The following STK10 variants were observed in gnomAD, a reference collection of about 807,000 sequenced individuals.
STK10 encodes serine/threonine-protein kinase 10.
A neutral mutation model predicts 113.8 loss-of-function variants in STK10; 78 were observed. That is an observed-to-expected ratio of 0.69 (90% CI 0.57 to 0.83). The LOEUF is 0.83. STK10 is among the 40% of genes least tolerant of loss of function. STK10 has a pLI of 0.00. For missense variants in STK10, 1,109 were observed against 1,280.1 expected, an observed-to-expected ratio of 0.87 and a Z score of 2.04; for synonymous variants, 465 against 494.7, an observed-to-expected ratio of 0.94 and a Z score of 0.80.
chr5:172,088,882 G>A (rs372416560), intron 10 of STK10, among the ~76,000 whole-genome samples: 1 of 152,208 alleles, frequency 6.6e-6, no homozygotes, highest in Non-Finnish European at 1.5e-5. Flanking sequence ...GGCTGTAAGT[G>A]GGGGATGAAC....
In STK10 at chr5:172,048,414, TACACACACACACAC is replaced by T. The variant is rs370301917; in HGVS notation, c.2767-3406_2767-3393del. ...AAATCAATTTCCCTCTCCCTCTCCCTACACACACACACACACACACACACACACACACACACACA... is the reference window on the plus strand; with the variant it reads ...AAATCAATTTCCCTCTCCCTCTCCCTACACACACACACACACACACACACA... On this transcript the variant is annotated intron_variant, in intron 18 of 18. Transcript: ENST00000176763. 2.8e-4 allele frequency among the ~76,000 whole-genome samples: 36 copies of T among 128,480 alleles called. No individual in the cohort carries two copies. In the South Asian group the frequency reaches 5.4e-3, roughly 19 times the overall value. 84.3% of individuals were successfully genotyped at this position (128,480 alleles called of 152,430 possible).
chr5:172,129,739 A>G (rs1317007797), intron 2 of STK10, among the ~76,000 whole-genome samples: 2 of 152,162 alleles, frequency 1.3e-5, no homozygotes, highest in Admixed American at 6.5e-5. Context: ...AAATTCTACT[A>G]ACTGCTAGAA....
At chr5:172,076,861 T>C (rs1202126325) in intron 12 of STK10, among the ~76,000 whole-genome samples, 1 of 152,216 alleles carries the variant, frequency 6.6e-6, no homozygotes, top group African/African-American at 2.4e-5. Context: ...ACTGTGCTGT[T>C]GCAAGCATGA....
chr5:172,145,683 T>C (rs1303117660), intron 2 of STK10, among the ~76,000 whole-genome samples: 5 of 152,220 alleles, frequency 3.3e-5, no homozygotes, highest in African/African-American at 1.2e-4. Context: ...GGCCGGACAC[T>C]AACAGAATGA....
At chr5:172,074,096 A>G (rs777863481) in intron 12 of STK10, among the ~76,000 whole-genome samples, 1 of 152,174 alleles carries the variant, frequency 6.6e-6, no homozygotes, top group Non-Finnish European at 1.5e-5. Context: ...GTTATGCTCA[A>G]TATTGTTCAG....
chr5:172,056,557 G>GA (rs1242376281), intron 15 of STK10, among the ~76,000 whole-genome samples: 2 of 151,974 alleles, frequency 1.3e-5, no homozygotes, highest in Non-Finnish European at 2.9e-5. Context: ...AGGGAAAAGA[G>GA]AAAAAAGAGC....
chr5:172,117,968 G>C (rs938515848), intron 3 of STK10, among the ~76,000 whole-genome samples: 2 of 135,900 alleles, frequency 1.5e-5, no homozygotes, highest in South Asian at 2.3e-4. Context: ...AGCTGAGATC[G>C]TACCACTGCA....
chr5:172,147,401 T>C (rs1310373988), intron 2 of STK10, among the ~76,000 whole-genome samples: 2 of 152,076 alleles, frequency 1.3e-5, no homozygotes, highest in African/African-American at 4.8e-5. Context: ...TCTTTCTTTT[T>C]TTTTTTTTGA....
intron 1 of STK10, among the ~76,000 whole-genome samples, chr5:172,159,375 CA>C (rs988593661): frequency 6.6e-5 from 10 of 150,858 alleles, no homozygotes; most frequent in Non-Finnish European, 1.3e-4. Context: ...CCCGCCTCTA[CA>C]AAAAAAAATG....
intron 3 of STK10, among the ~76,000 whole-genome samples, chr5:172,126,811 CCTCG>C (rs1769631127): frequency 6.6e-6 from 1 of 152,200 alleles, no homozygotes; most frequent in Non-Finnish European, 1.5e-5. Context: ...CAAAGACCTT[CCTCG>C]GGTATCTCGG....
intron 1 of STK10, among the ~76,000 whole-genome samples, chr5:172,162,197 C>G (rs1489684049): frequency 6.6e-6 from 1 of 151,912 alleles, no homozygotes; most frequent in African/African-American, 2.4e-5. Flanking sequence ...AAAAATTAGC[C>G]AGGCAGGGTG....
chr5:172,179,150 T>C (rs1770808972), intron 1 of STK10, among the ~76,000 whole-genome samples: 1 of 152,190 alleles, frequency 6.6e-6, no homozygotes, highest in South Asian at 2.1e-4. Flanking sequence ...CTCATCGTCA[T>C]TTCCTGAGCC....
intron 12 of STK10, among the ~76,000 whole-genome samples, chr5:172,075,800 C>T (rs1310245293): frequency 6.6e-6 from 1 of 152,242 alleles, no homozygotes; most frequent in Admixed American, 6.5e-5. Flanking sequence ...TGAAACACCA[C>T]TTTACACCTA....
intron 10 of STK10, among the ~76,000 whole-genome samples, chr5:172,085,359 T>C (rs1008947846): frequency 3.3e-5 from 5 of 152,132 alleles, no homozygotes; most frequent in African/African-American, 1.2e-4. Context: ...AAGCCCCAAG[T>C]GTTAACCACG....
intron 18 of STK10, among the ~76,000 whole-genome samples, chr5:172,051,351 C>G (rs1354733467): frequency 6.6e-6 from 1 of 151,960 alleles, no homozygotes; most frequent in Non-Finnish European, 1.5e-5. Flanking sequence ...TTGCAGAGAG[C>G]CACGTTCCCA....
chr5:172,147,612 T>C (rs1163964643), intron 2 of STK10, among the ~76,000 whole-genome samples: 1 of 152,196 alleles, frequency 6.6e-6, no homozygotes, highest in Non-Finnish European at 1.5e-5. Context: ...CAGGGTGGTC[T>C]CGAACTTCTG....
intron 1 of STK10, among the ~76,000 whole-genome samples, chr5:172,184,158 G>C (rs1364847774): frequency 1.3e-5 from 2 of 152,166 alleles, no homozygotes; most frequent in African/African-American, 4.8e-5. Flanking sequence ...GGAATCTCTG[G>C]TTCCAGCCAT....
chr5:172,065,622 G>A (rs535762067), intron 12 of STK10, among the ~76,000 whole-genome samples: 1 of 152,280 alleles, frequency 6.6e-6, no homozygotes, highest in South Asian at 2.1e-4. Context: ...TCTGATCCAG[G>A]CTGGCCAAGC....
chr5:172,133,549 G>A lies in STK10; in HGVS notation c.322-6128C>T, dbSNP rs746692471. On this transcript the variant is annotated intron_variant, in intron 2 of 18. Coordinates refer to ENST00000176763, the MANE Select transcript of STK10 (RefSeq NM_005990.4). This position sits in a 1 kb window ranked among gnomAD's most constrained non-coding sequence, Gnocchi z 4.9. ...GGCTGGTGTCATCAGAGCTAAGCTG[G>A]TGAGTTGTGCTTGATGGTGTGGAAT... Among the ~76,000 whole-genome samples, 12 of 152,204 alleles carry A rather than the reference G, an allele frequency of 7.9e-5. No homozygotes were observed. Among genetic ancestry groups the A allele is most frequent in the Non-Finnish European group, 1.6e-4 (11 of 68,032 alleles).
Sources: gnomAD v4.1 joint callset for allele counts (sites outside exome capture counted in the v4.1 genomes callset) on GRCh38, gnomAD v4.1.1 for gene constraint, Gnocchi (gnomAD v3.1) non-coding constraint, MANE v1.5 for transcripts, NCBI Gene and HGNC (gene_info 2026-07-23, HGNC 2026-07-21) for gene names.